The following OTULIN variants were observed in gnomAD, a reference collection of about 807,000 sequenced individuals.
The protein encoded by OTULIN is OTU deubiquitinase with linear linkage specificity, also known as ubiquitin thioesterase otulin.
OTULIN carries 15 observed loss-of-function variants against 39.6 expected under a neutral mutation model. That is an observed-to-expected ratio of 0.38 (90% CI 0.25 to 0.58). OTULIN has a LOEUF of 0.58. Among genes scored for constraint, OTULIN ranks in the 20% least tolerant of loss-of-function variants. OTULIN has a pLI of 0.66. For missense variants in OTULIN, 319 were observed against 445.9 expected (o/e 0.72, Z 2.56); for synonymous variants, 156 against 170.3 (o/e 0.92, Z 0.65).
Position 14,697,569 on chromosome 5 carries a change from G to A in OTULIN, c.*4521G>A, listed in dbSNP as rs1736702740. 6.6e-6 allele frequency: 1 copy of A among 152,124 alleles called. No individual in the cohort carries two copies. Among genetic ancestry groups the A allele is most frequent in the Non-Finnish European group, 1.5e-5 (1 of 68,036 alleles). The allele number at this position is 152,124 out of a possible 1,614,324, so 9.4% of individuals were successfully genotyped here. On this transcript the variant is annotated 3_prime_UTR_variant, in exon 7 of 7. Coordinates refer to ENST00000284274, the MANE Select transcript of OTULIN (RefSeq NM_138348.6). ...ATGTATAATGGAAATAGATAGAGTG[G>A]TTAAGTCTAGAAACACATACATTAA...
At position 14,693,917 on chromosome 5, in the gene OTULIN, G is replaced by A. The variant is rs1419484668; in HGVS notation, c.*869G>A. 1 of 152,078 alleles carries A rather than the reference G, an allele frequency of 6.6e-6. No individual in the cohort carries two copies. Among genetic ancestry groups the A allele is most frequent in the Non-Finnish European group, 1.5e-5 (1 of 68,030 alleles). 9.4% of individuals were successfully genotyped at this position (152,078 alleles called of 1,614,324 possible). A position where few individuals can be genotyped will look rare whatever the true frequency, so the allele number is the denominator to read the frequency against. On this transcript the variant is annotated 3_prime_UTR_variant, in exon 7 of 7. Transcript: ENST00000284274. Reference sequence around the variant, plus strand: ...CTACTTGCCTTTGTGGTTTAGTGTTGGAAGCTTTAATTATTCTACAGTTCC... The same window carrying A: ...CTACTTGCCTTTGTGGTTTAGTGTTAGAAGCTTTAATTATTCTACAGTTCC...
chr5:14,710,093 G>A, the OTULIN span: 1 of 152,154 alleles, frequency 6.6e-6, no homozygotes, highest in Non-Finnish European at 1.5e-5. Context: ...CTCTGGTATC[G>A]TTATAAAATG....
At chr5:14,664,998 G>A (rs944674030) in intron 1 of OTULIN, 21 bp downstream of exon 1, 2 of 1,042,788 alleles carry the variant, frequency 1.9e-6, no homozygotes, top group African/African-American at 3.4e-5. Context: ...GGGGGCGCGG[G>A]GCGCGGGCCG....
In OTULIN at chr5:14,698,999, CAGT is replaced by C. The variant is rs1736742875; in HGVS notation, c.*5952_*5954del. 1.3e-5 allele frequency: 2 copies of C among 152,278 alleles called. No individual in the cohort carries two copies. Among genetic ancestry groups the C allele is most frequent in the East Asian group, 1.9e-4 (1 of 5,184 alleles). 9.4% of individuals were successfully genotyped at this position (152,278 alleles called of 1,614,324 possible). ...CATCTTTACCACACACAGTCTGTCT[CAGT>C]GGTGGTGTGGATTAAGTGAGGTGCT... On this transcript the variant is annotated 3_prime_UTR_variant, in exon 7 of 7. Transcript: ENST00000284274.
At chr5:14,688,087 T>A (rs1163299300) in intron 5 of OTULIN, 2 of 152,474 alleles carry the variant, frequency 1.3e-5, no homozygotes, top group Non-Finnish European at 2.9e-5. Context: ...GTAGATTTAG[T>A]AACTTGTCTT....
chr5:14,696,654 T>C lies in OTULIN; in HGVS notation c.*3606T>C, dbSNP rs934374210. On this transcript the variant is annotated 3_prime_UTR_variant, in exon 7 of 7. Transcript: ENST00000284274. Reference sequence around the variant, plus strand: ...CAAAACCACAGATGCCATACAGACCTCCTGTGCTTAAGTTATAGAAGAATA... The same window carrying C: ...CAAAACCACAGATGCCATACAGACCCCCTGTGCTTAAGTTATAGAAGAATA... The C allele has an allele frequency of 2.2e-4, 34 of 152,294 alleles. No homozygotes were observed. The highest frequency in any genetic ancestry group is 7.0e-4 in the African/African-American group (29 of 41,528). 9.4% of individuals were successfully genotyped at this position (152,294 alleles called of 1,614,324 possible).
Position 14,695,122 on chromosome 5 carries a change from T to A in OTULIN, c.*2074T>A, listed in dbSNP as rs143424838. On this transcript the variant is annotated 3_prime_UTR_variant, in exon 7 of 7. Coordinates refer to ENST00000284274, the MANE Select transcript of OTULIN (RefSeq NM_138348.6). ...TGGATTTCTGGGTAAAAGAATGTGT[T>A]TCTTTTATGTTGCTTATGTCCGAAG... 1 of 152,340 alleles carries A rather than the reference T, an allele frequency of 6.6e-6. No homozygotes were observed. The highest frequency in any genetic ancestry group is 1.9e-4 in the East Asian group (1 of 5,188). The allele number at this position is 152,340 out of a possible 1,614,324, so 9.4% of individuals were successfully genotyped here.
chr5:14,669,038 A>G lies in OTULIN; in HGVS notation c.152+4061A>G, dbSNP rs1735918740. ...GTTGGATATGTTGCCTTAATATCAA[A>G]AATAAAATATTTTATCTCCAGGTTA... On this transcript the variant is annotated intron_variant, in intron 1 of 6. Coordinates refer to ENST00000284274, the MANE Select transcript of OTULIN (RefSeq NM_138348.6). Among the ~76,000 whole-genome samples, 3 of 152,218 alleles carry G rather than the reference A, an allele frequency of 2.0e-5. No homozygotes were observed. In the South Asian group the frequency reaches 6.2e-4, roughly 31 times the overall value.
chr5:14,672,654 T>C (rs1232751588), intron 1 of OTULIN, among the ~76,000 whole-genome samples: 5 of 152,128 alleles, frequency 3.3e-5, no homozygotes, highest in Non-Finnish European at 5.9e-5. Context: ...TGTTTTCTGC[T>C]CAGTGTGTTA....
At chr5:14,711,435 G>A in the OTULIN span, 13 of 798,732 alleles carry the variant, frequency 1.6e-5, no homozygotes, top group African/African-American at 1.7e-4. Context: ...CCTTCTTATG[G>A]TTGGGGTGGC....
At position 14,692,448 on chromosome 5, in the gene OTULIN, C is replaced by T. The variant is rs570057405; in HGVS notation, c.865-406C>T. ...TTCTAGTGGGTGTGAAGTACTATCT[C>T]ATTGTAGTTGGATTTGGATTTTGAT... On this transcript the variant is annotated intron_variant, in intron 6 of 6. Coordinates refer to ENST00000284274, the MANE Select transcript of OTULIN (RefSeq NM_138348.6). Among the ~76,000 whole-genome samples, 99 of 152,290 alleles carry T rather than the reference C, an allele frequency of 6.5e-4. 1 individual carries two copies. The highest frequency in any genetic ancestry group is 4.6e-3 in the South Asian group (22 of 4,824).
chr5:14,675,136 CT>C (rs1331658982), intron 2 of OTULIN, among the ~76,000 whole-genome samples: 1 of 152,082 alleles, frequency 6.6e-6, no homozygotes, highest in African/African-American at 2.4e-5. Flanking sequence ...TTCTTAGTGC[CT>C]TAGACTAGAT....
intron 1 of OTULIN, among the ~76,000 whole-genome samples, chr5:14,665,451 G>A (rs979371124): frequency 5.3e-5 from 8 of 152,186 alleles, no homozygotes; most frequent in African/African-American, 1.7e-4. Flanking sequence ...CATTCTCTCT[G>A]ACCCTTTAAC....
intron 2 of OTULIN, among the ~76,000 whole-genome samples, chr5:14,674,319 G>T (rs1267057495): frequency 6.6e-6 from 1 of 152,254 alleles, no homozygotes; most frequent in Non-Finnish European, 1.5e-5. Context: ...TACATCCTTA[G>T]TTCCCTGAGT....
chr5:14,689,973 G>GTA (rs1354414490), intron 5 of OTULIN, 66 bp from the exon 6 acceptor site: 14 of 1,510,726 alleles, frequency 9.3e-6, no homozygotes, highest in Admixed American at 2.1e-5. Flanking sequence ...TGTGCTCATA[G>GTA]TATGGTACTA....
chr5:14,686,982 T>C (rs1328227907), intron 4 of OTULIN, among the ~76,000 whole-genome samples: 2 of 152,268 alleles, frequency 1.3e-5, no homozygotes, highest in Non-Finnish European at 2.9e-5. Flanking sequence ...TTTCTCTGAA[T>C]GTTAAAACTT....
rs1466208768 is a variant in OTULIN, at chr5:14,669,526, CTT to C, written c.153-4114_153-4113del. On this transcript the variant is annotated intron_variant, in intron 1 of 6. Transcript: ENST00000284274. ...GTGGCTCACACCTGTAATCCCAGCTCTTTGGGAGATCAAGGTGGGAGGATCTC... is the reference window on the plus strand; with the variant it reads ...GTGGCTCACACCTGTAATCCCAGCTCTGGGAGATCAAGGTGGGAGGATCTC... 9.8e-5 allele frequency among the ~76,000 whole-genome samples: 15 copies of C among 152,296 alleles called. No individual in the cohort carries two copies. In the East Asian group the frequency reaches 2.9e-3, roughly 29 times the overall value.
intron 4 of OTULIN, among the ~76,000 whole-genome samples, chr5:14,683,239 C>T (rs1232960711): frequency 1.3e-5 from 2 of 151,328 alleles, no homozygotes; most frequent in Non-Finnish European, 2.9e-5. Flanking sequence ...ATAAGGAGAC[C>T]CCTTGTATTG....
Position 14,690,326 on chromosome 5 carries a change from G to C in OTULIN, c.864+18G>C, listed in dbSNP as rs549009520. On this transcript the variant is annotated intron_variant, in intron 6 of 6. Coordinates refer to ENST00000284274, the MANE Select transcript of OTULIN (RefSeq NM_138348.6). The surrounding 1 kb of genome is among the most constrained non-coding windows in gnomAD (Gnocchi z 4.5). ...TTGAACAGGTAAGTTGTGCTTTTGAGCATGTATTACCCCAAAATAAAGCAG... is the reference window on the plus strand; with the variant it reads ...TTGAACAGGTAAGTTGTGCTTTTGACCATGTATTACCCCAAAATAAAGCAG... 1 of 1,609,202 alleles carries C rather than the reference G, an allele frequency of 6.2e-7. No individual in the cohort carries two copies. The highest frequency in any genetic ancestry group is 8.5e-7 in the Non-Finnish European group (1 of 1,177,442).
Sources: allele counts gnomAD v4.1 joint callset (sites outside exome capture counted in the v4.1 genomes callset), GRCh38; gene constraint gnomAD v4.1.1; non-coding constraint Gnocchi (gnomAD v3.1); transcripts MANE v1.5; gene names NCBI Gene and HGNC (gene_info 2026-07-23, HGNC 2026-07-21).